Variants in C6orf136 observed in about 807,000 individuals in gnomAD.
C6orf136 encodes the protein uncharacterized protein C6orf136.
In C6orf136, 29 loss-of-function variants were observed where a neutral mutation model predicts 44.0. The observed-to-expected ratio is 0.66, with a 90% CI of 0.49 to 0.90. The LOEUF (loss-of-function observed/expected upper bound fraction) is 0.90. Among genes scored for constraint, C6orf136 ranks in the 40% least tolerant of loss-of-function variants. The probability of loss-of-function intolerance (pLI) is 0.00; values close to 1 mark genes in which losing one functional copy is unlikely to be tolerated. For synonymous variants in C6orf136, 293 were observed against 278.6 expected (o/e 1.05, Z -0.52); for missense variants, 628 against 669.3 (o/e 0.94, Z 0.68).
intron 2 of C6orf136, among the ~76,000 whole-genome samples, chr6:30,650,386 CAA>C (rs566728636): frequency 9.9e-5 from 11 of 110,582 alleles, no homozygotes; most frequent in Non-Finnish European, 5.9e-5. Flanking sequence ...GACTCCGTCT[CAA>C]AAAAAAAAAA....
Position 30,652,750 on chromosome 6 carries a change from G to A in C6orf136, c.1377+33G>A, listed in dbSNP as rs763726102. The A allele has an allele frequency of 3.1e-6, 5 of 1,612,396 alleles. No homozygotes were observed. In the Admixed American group the frequency reaches 6.7e-5, roughly 22 times the overall value. ...CTAGGTAGGGCTGGGTGGGGTAAAG[G>A]GTAGAACATTTGTGTGCCTCCCCCA... On this transcript the variant is annotated intron_variant, in intron 5 of 5. Coordinates refer to ENST00000651131, the MANE Select transcript of C6orf136 (RefSeq NM_001161376.2).
chr6:30,651,928 A>G (rs1162113169), intron 4 of C6orf136, among the ~76,000 whole-genome samples: 1 of 152,148 alleles, frequency 6.6e-6, no homozygotes, highest in Non-Finnish European at 1.5e-5. Context: ...CTTCCTATAC[A>G]GTGCCTAGCA....
rs758471981 is a variant in C6orf136 at position 30,652,840 on chromosome 6, G to A, written c.1416G>A (p.Lys472=). The A allele has an allele frequency of 6.2e-6, 10 of 1,612,984 alleles. No homozygotes were observed. In the African/African-American group the frequency reaches 1.2e-4, roughly 19 times the overall value. The part of the protein sequence containing the change: ...PSHSPPTPVK[K]LLVGALVALG... ...ACTCACCTCCAACGCCTGTGAAGAA[G>A]CTGCTAGTGGGAGCCCTGGTGGCCC... Residue 472 remains lysine (K), a synonymous_variant, in exon 6 of 6, where the codon AAG becomes AAA. Transcript: ENST00000651131.
Position 30,653,170 on chromosome 6 carries a change from T to C in C6orf136, c.*255T>C. The stretch of plus-strand genomic sequence containing the variant: ...CCACAAGCTTTATTCCAAAAATAAT[T>C]TTATTTAATAGGTATTAAATAATGT... On this transcript the variant is annotated 3_prime_UTR_variant, in exon 6 of 6. Coordinates refer to ENST00000651131, the MANE Select transcript of C6orf136 (RefSeq NM_001161376.2). The C allele has an allele frequency of 6.7e-7, 1 of 1,502,758 alleles. No individual in the cohort carries two copies. The highest frequency in any genetic ancestry group is 2.3e-5 in the East Asian group (1 of 42,606). 93.1% of individuals were successfully genotyped at this position (1,502,758 alleles called of 1,614,324 possible).
intron 5 of C6orf136, 40 bp downstream of exon 5, chr6:30,652,757 C>T: frequency 1.2e-6 from 2 of 1,611,840 alleles, no homozygotes; most frequent in Middle Eastern, 1.7e-4. Flanking sequence ...AAGGGTAGAA[C>T]ATTTGTGTGC....
chr6:30,652,978 C>G lies in C6orf136; in HGVS notation c.*63C>G, dbSNP rs1767590599. 6.9e-7 allele frequency: 1 copy of G among 1,449,816 alleles called. No homozygotes were observed. The highest frequency in any genetic ancestry group is 9.6e-7 in the Non-Finnish European group (1 of 1,037,968). 89.8% of individuals were successfully genotyped at this position (1,449,816 alleles called of 1,614,324 possible). A position where few individuals can be genotyped will look rare whatever the true frequency, so the allele number is the denominator to read the frequency against. ...TACGCCCAAGAGAAGGAGGTGGAGG[C>G]AGCCAAGAATCTCAGGAGCCAGCTT... is the stretch of plus-strand genomic sequence containing the variant. On this transcript the variant is annotated 3_prime_UTR_variant, in exon 6 of 6. Transcript: ENST00000651131.
rs557234672 is a variant in C6orf136 at position 30,653,036 on chromosome 6, A to T, written c.*121A>T. The stretch of plus-strand genomic sequence containing the variant: ...TCGTTTCTCTCCTTCCTTCCTTTCC[A>T]TCTCATGCTGTGTAAAGCTGCTGTG... On this transcript the variant is annotated 3_prime_UTR_variant, in exon 6 of 6. Coordinates refer to ENST00000651131, the MANE Select transcript of C6orf136 (RefSeq NM_001161376.2). The T allele has an allele frequency of 3.3e-4, 374 of 1,120,000 alleles. 3 individuals are homozygous for T. The South Asian group carries it at 4.8e-3, about 14-fold the overall frequency. 69.4% of individuals were successfully genotyped at this position (1,120,000 alleles called of 1,614,324 possible). A position where few individuals can be genotyped will look rare whatever the true frequency, so the allele number is the denominator to read the frequency against.
At position 30,649,780 on chromosome 6, in the gene C6orf136, T is replaced by C; in HGVS notation, c.838T>C (p.Leu280=). Residue 280 remains leucine, a synonymous_variant, in exon 2 of 6, where the codon TTG becomes CTG. Coordinates refer to ENST00000651131, the MANE Select transcript of C6orf136 (RefSeq NM_001161376.2). Reference sequence around the variant, plus strand: ...GGGGGAGGAGGGACCAGGACCTGAGTTGCATAGCGGCTGCCTGGATGGGCT... The same window carrying C: ...GGGGGAGGAGGGACCAGGACCTGAGCTGCATAGCGGCTGCCTGGATGGGCT... ...GKGEEGPGPE[L]HSGCLDGLRS... is the part of the protein sequence containing the mutation. 1 of 1,613,994 alleles carries C rather than the reference T, an allele frequency of 6.2e-7. No individual in the cohort carries two copies. Among genetic ancestry groups the C allele is most frequent in the Non-Finnish European group, 8.5e-7 (1 of 1,179,990 alleles).
chr6:30,651,227 C>T (rs1308828594), intron 3 of C6orf136, 39 bp from the exon 4 acceptor site: 2 of 1,609,964 alleles, frequency 1.2e-6, no homozygotes, highest in Admixed American at 1.7e-5. Flanking sequence ...TTTTCTAATT[C>T]TGCCATCATG....
Position 30,647,296 on chromosome 6 carries a change from G to T in C6orf136, c.65G>T (p.Arg22Leu), listed in dbSNP as rs749732291. ...CCTTGCCTGCGCGCCTACCAGGCTC[G>T]ACCCCAGGTGAGCGGAGGAGAAGAG... ...LGPCLRAYQA[R>L]PQVSGGEEGG... Residue 22 changes from arginine to leucine, a missense_variant, in exon 1 of 6, where the codon CGA (arginine) becomes CTA (leucine). By Grantham distance (102) the Arg-to-Leu change is moderately radical. This residue lies in a region of C6orf136 where 497 missense variants were observed against 469.2 expected (regional missense o/e 1.06). Transcript: ENST00000651131. The surrounding 1 kb of genome is among the most constrained non-coding windows in gnomAD (Gnocchi z 4.8). 4 of 1,598,818 alleles carry T rather than the reference G, an allele frequency of 2.5e-6. No homozygotes were observed. The highest frequency in any genetic ancestry group is 1.1e-5 in the South Asian group (1 of 90,180).
rs775316855 is a variant in C6orf136 at position 30,647,417 on chromosome 6, G to C, written c.186G>C (p.Pro62=). The part of the protein sequence containing the change: ...LGSAQAQRHP[P]PLPTCALQRV... The stretch of plus-strand genomic sequence containing the variant: ...CCGCGCAGGCGCAGAGACACCCGCC[G>C]CCCCTTCCCACCTGTGCCCTGCAGC... Residue 62 remains proline, a synonymous_variant, in exon 1 of 6, where the codon CCG becomes CCC. Transcript: ENST00000651131. The surrounding 1 kb of genome is among the most constrained non-coding windows in gnomAD (Gnocchi z 4.8). 1 of 1,467,450 alleles carries C rather than the reference G, an allele frequency of 6.8e-7. No individual in the cohort carries two copies. Among genetic ancestry groups the C allele is most frequent in the Admixed American group, 2.5e-5 (1 of 40,454 alleles). 90.9% of individuals were successfully genotyped at this position (1,467,450 alleles called of 1,614,324 possible). A position where few individuals can be genotyped will look rare whatever the true frequency, so the allele number is the denominator to read the frequency against.
chr6:30,652,305 G>C (rs1392427064), intron 4 of C6orf136, among the ~76,000 whole-genome samples: 1 of 150,610 alleles, frequency 6.6e-6, no homozygotes, highest in Admixed American at 6.6e-5. Context: ...CAAATGAAAA[G>C]TCCTGTCTCA....
rs760150075 is a variant in C6orf136, at chr6:30,647,210, C to T, written c.-22C>T. The T allele has an allele frequency of 6.4e-6, 10 of 1,560,356 alleles. No homozygotes were observed. Among genetic ancestry groups the T allele is most frequent in the Non-Finnish European group, 8.6e-6 (10 of 1,159,962 alleles). ...GGCCGGAGGTCGGACTCAGGAGGCT[C>T]CTTCTCCACTCCCGGAAGATCATGT... On this transcript the variant is annotated 5_prime_UTR_variant, in exon 1 of 6. Transcript: ENST00000651131. The surrounding 1 kb of genome is among the most constrained non-coding windows in gnomAD (Gnocchi z 4.8).
rs912185613 is a variant in C6orf136 at position 30,647,712 on chromosome 6, C to T, written c.481C>T (p.Arg161Cys). 9.7e-6 allele frequency: 15 copies of T among 1,549,988 alleles called. No individual in the cohort carries two copies. The highest frequency in any genetic ancestry group is 1.4e-5 in the African/African-American group (1 of 73,032). Residue 161 changes from arginine to cysteine, a missense_variant, in exon 1 of 6, where the codon CGT (arginine) becomes TGT (cysteine). This residue lies in a region of C6orf136 where 497 missense variants were observed against 469.2 expected (regional missense o/e 1.06). Coordinates refer to ENST00000651131, the MANE Select transcript of C6orf136 (RefSeq NM_001161376.2). The surrounding 1 kb of genome is among the most constrained non-coding windows in gnomAD (Gnocchi z 4.8). The stretch of plus-strand genomic sequence containing the variant: ...CGCGGGGCGCCCTCAGCAGCCCGCC[C>T]GTCTTGCACTCGGAGAGCGGTCCTG... ...RPAGRPQQPA[R>C]LALGERSWQE...
rs1410308987 is a variant in C6orf136, at chr6:30,649,596, T to G, written c.654T>G (p.Leu218=). ...CAGGGACTCTACCATTCCCACCCCT[T>G]TGGCCCCACTCCACGACAACCACTT... The part of the protein sequence containing the change: ...LYPGTLPFPP[L]WPHSTTTTSP... Residue 218 remains leucine, a synonymous_variant, in exon 2 of 6, where the codon CTT becomes CTG. Coordinates refer to ENST00000651131, the MANE Select transcript of C6orf136 (RefSeq NM_001161376.2). 6.3e-7 allele frequency: 1 copy of G among 1,594,586 alleles called. No homozygotes were observed. Among genetic ancestry groups the G allele is most frequent in the Admixed American group, 1.9e-5 (1 of 52,488 alleles).
chr6:30,647,411 C>A lies in C6orf136; in HGVS notation c.180C>A (p.His60Gln), dbSNP rs1382188209. The change falls in exon 1 of 6, where the codon CAC becomes CAA. Residue 60 changes from histidine to glutamine, a missense_variant. His to Gln is a conservative substitution (Grantham distance 24, BLOSUM62 0). This residue lies in a region of C6orf136 where 497 missense variants were observed against 469.2 expected (regional missense o/e 1.06). Transcript: ENST00000651131. The surrounding 1 kb of genome is among the most constrained non-coding windows in gnomAD (Gnocchi z 4.8). Reference sequence around the variant, plus strand: ...TGGGTTCCGCGCAGGCGCAGAGACACCCGCCGCCCCTTCCCACCTGTGCCC... The same window carrying A: ...TGGGTTCCGCGCAGGCGCAGAGACAACCGCCGCCCCTTCCCACCTGTGCCC... ...RALGSAQAQR[H>Q]PPPLPTCALQ... 1 of 1,468,736 alleles carries A rather than the reference C, an allele frequency of 6.8e-7. No homozygotes were observed. The highest frequency in any genetic ancestry group is 1.4e-5 in the South Asian group (1 of 73,630). The allele number at this position is 1,468,736 out of a possible 1,614,324, so 91.0% of individuals were successfully genotyped here.
intron 4 of C6orf136, among the ~76,000 whole-genome samples, 200 bp from the exon 5 acceptor site, chr6:30,652,448 C>A (rs180860909): frequency 6.6e-6 from 1 of 152,090 alleles, no homozygotes; most frequent in Non-Finnish European, 1.5e-5. Context: ...TAGAAATGCC[C>A]AAGGATCGTT....
In C6orf136 at chr6:30,647,287, A is replaced by G; in HGVS notation, c.56A>G (p.Tyr19Cys). Residue 19 changes from tyrosine to cysteine, a missense_variant, in exon 1 of 6, where the codon TAC becomes TGC. Coordinates refer to ENST00000651131, the MANE Select transcript of C6orf136 (RefSeq NM_001161376.2). This position sits in a 1 kb window ranked among gnomAD's most constrained non-coding sequence, Gnocchi z 4.8. Reference sequence around the variant, plus strand: ...CGTCTCGGCCCTTGCCTGCGCGCCTACCAGGCTCGACCCCAGGTGAGCGGA... The same window carrying G: ...CGTCTCGGCCCTTGCCTGCGCGCCTGCCAGGCTCGACCCCAGGTGAGCGGA... ...ARRLGPCLRA[Y>C]QARPQVSGGE... is the part of the protein sequence containing the mutation. The G allele has an allele frequency of 6.3e-7, 1 of 1,599,982 alleles. No homozygotes were observed. The highest frequency in any genetic ancestry group is 1.1e-5 in the South Asian group (1 of 90,348).
rs1481812590 is a variant in C6orf136, at chr6:30,647,609, T to G, written c.378T>G (p.Gly126=). Residue 126 remains glycine (G), a synonymous_variant, in exon 1 of 6, where the codon GGT becomes GGG. Coordinates refer to ENST00000651131, the MANE Select transcript of C6orf136 (RefSeq NM_001161376.2). This position sits in a 1 kb window ranked among gnomAD's most constrained non-coding sequence, Gnocchi z 4.8. ...CTCCGCGGTTACCTGTGCCTAGAGGTGATTTGAAGGGCAGGGGCCGAGAGA... is the reference window on the plus strand; with the variant it reads ...CTCCGCGGTTACCTGTGCCTAGAGGGGATTTGAAGGGCAGGGGCCGAGAGA... The part of the protein sequence containing the change: ...PDSPRLPVPR[G]DLKGRGREIR... 1.3e-6 allele frequency: 2 copies of G among 1,548,638 alleles called. No homozygotes were observed. The highest frequency in any genetic ancestry group is 1.7e-6 in the Non-Finnish European group (2 of 1,145,936).
Sources: allele counts gnomAD v4.1 joint callset (sites outside exome capture counted in the v4.1 genomes callset), GRCh38; gene constraint gnomAD v4.1.1; regional missense constraint gnomAD v4.1.1; non-coding constraint Gnocchi (gnomAD v3.1); transcripts MANE v1.5; gene names NCBI Gene and HGNC (gene_info 2026-07-23, HGNC 2026-07-21).